NCALD: variants seen among roughly 807,000 people sequenced by gnomAD.
The protein encoded by NCALD is neurocalcin-delta.
NCALD carries 10 observed loss-of-function variants against 18.6 expected under a neutral mutation model. The ratio of observed to expected loss-of-function variants is 0.54; its 90% CI spans 0.33 to 0.91. The LOEUF (loss-of-function observed/expected upper bound fraction) is 0.91. Ranked by LOEUF, NCALD falls within the 40% of genes least tolerant of loss-of-function variation. The pLI, the probability that NCALD is intolerant of heterozygous loss-of-function variation, is 0.03. For missense variants in NCALD, 184 were observed against 247.6 expected (o/e 0.74, Z 1.72); for synonymous variants, 88 against 87.4 (o/e 1.01, Z -0.04).
chr8:101,896,468 G>C (rs1304854572), intron 3 of NCALD, among the ~76,000 whole-genome samples: 2 of 151,958 alleles, frequency 1.3e-5, no homozygotes, highest in East Asian at 3.9e-4. Context: ...AGGACTTCAT[G>C]TCTAAAACAC....
chr8:101,988,096 G>A lies in NCALD; in HGVS notation c.-157+32141C>T, dbSNP rs147181093. The stretch of plus-strand genomic sequence containing the variant: ...CGGGAATCCGGGAGGCGGAGCTTGC[G>A]GTGAGCCGAGATCGCGCCACTGCGG... On this transcript the variant is annotated intron_variant, in intron 2 of 6. Transcript: ENST00000311028. Among the ~76,000 whole-genome samples the A allele has an allele frequency of 9.2e-3, 1,391 of 150,466 alleles. 15 individuals are homozygous for A. The highest frequency in any genetic ancestry group is 0.03 in the African/African-American group (1,241 of 40,864).
intron 2 of NCALD, among the ~76,000 whole-genome samples, chr8:101,708,833 G>C (rs935495114): frequency 6.6e-6 from 1 of 152,176 alleles, no homozygotes; most frequent in Non-Finnish European, 1.5e-5. Flanking sequence ...AGCAGAATCA[G>C]TGACACCGCT....
chr8:101,766,243 A>C (rs1208100606), intron 1 of NCALD, among the ~76,000 whole-genome samples: 1 of 152,220 alleles, frequency 6.6e-6, no homozygotes, highest in African/African-American at 2.4e-5. Context: ...GGAGAAAAAG[A>C]AGCAGTAAAT....
intron 1 of NCALD, among the ~76,000 whole-genome samples, chr8:101,784,141 A>AG (rs1812125373): frequency 6.6e-6 from 1 of 152,084 alleles, no homozygotes; most frequent in Non-Finnish European, 1.5e-5. Flanking sequence ...TGGCATCAGG[A>AG]GGGGGAAGGA....
chr8:101,885,949 A>G (rs1816660280), intron 4 of NCALD, among the ~76,000 whole-genome samples: 1 of 152,350 alleles, frequency 6.6e-6, no homozygotes, highest in Non-Finnish European at 1.5e-5. Flanking sequence ...ATCCATAAAT[A>G]GTTCAACCAA....
At chr8:101,879,123 T>C (rs767848844) in intron 4 of NCALD, among the ~76,000 whole-genome samples, 1 of 152,230 alleles carries the variant, frequency 6.6e-6, no homozygotes, top group Non-Finnish European at 1.5e-5. Context: ...TAGAATGGTT[T>C]GGAGACTGCC....
At chr8:101,866,808 C>T (rs1477917921) in intron 4 of NCALD, among the ~76,000 whole-genome samples, 2 of 152,154 alleles carry the variant, frequency 1.3e-5, no homozygotes, top group African/African-American at 2.4e-5. Flanking sequence ...TAACTGGTGT[C>T]GCTAGTTCTG....
At chr8:101,750,231 C>CGA (rs1563729536) in intron 1 of NCALD, 1 of 147,986 alleles carries the variant, frequency 6.8e-6, no homozygotes, top group Non-Finnish European at 1.5e-5. Flanking sequence ...GTCCCCCCCC[C>CGA]ATGACACGTA....
chr8:101,813,443 G>T lies in NCALD; in HGVS notation c.-20+73698C>A, dbSNP rs148309700. On this transcript the variant is annotated intron_variant, in intron 4 of 6. Transcript: ENST00000311028. ...AGCTTAGGGAGGGTTTTGTAAGCCA[G>T]TGTATCAAGGAGGTAACTGAGTTAC... is the stretch of plus-strand genomic sequence containing the variant. Among the ~76,000 whole-genome samples the T allele has an allele frequency of 1.8e-4, 28 of 152,254 alleles. No homozygotes were observed. The East Asian group carries it at 5.2e-3, about 28-fold the overall frequency.
chr8:101,719,384 A>G lies in NCALD; in HGVS notation c.246T>C (p.Phe82=), dbSNP rs747724043. ...FDANGDGTID[F]REFIIALSVT... is the part of the protein sequence containing the mutation. Reference sequence around the variant, plus strand: ...CACTCAAGGCGATGATGAATTCTCTAAAGTCTATTGTCCCATCTCCATTTG... The same window carrying G: ...CACTCAAGGCGATGATGAATTCTCTGAAGTCTATTGTCCCATCTCCATTTG... Residue 82 remains phenylalanine (F), a synonymous_variant, in exon 2 of 4, where the codon TTT becomes TTC. Coordinates refer to ENST00000220931, the MANE Select transcript of NCALD (RefSeq NM_032041.3). 6 of 1,614,214 alleles carry G rather than the reference A, an allele frequency of 3.7e-6. No homozygotes were observed. The highest frequency in any genetic ancestry group is 2.7e-5 in the African/African-American group (2 of 75,050).
chr8:101,817,381 T>C (rs958611588), intron 4 of NCALD, among the ~76,000 whole-genome samples: 1 of 152,212 alleles, frequency 6.6e-6, no homozygotes, highest in African/African-American at 2.4e-5. Flanking sequence ...GAGTTTGTTC[T>C]TTCCGGATTG....
rs191293947 is a variant in NCALD at position 101,753,956 on chromosome 8, T to A, written c.-19-34308A>T. On this transcript the variant is annotated intron_variant, in intron 1 of 3. Coordinates refer to ENST00000220931, the MANE Select transcript of NCALD (RefSeq NM_032041.3). ...TATCTCTTATTTACAGTTGACAGCA[T>A]CCTAATAAATAGGAAAAGAGAAGGA... Among the ~76,000 whole-genome samples the A allele has an allele frequency of 2.0e-5, 3 of 152,312 alleles. No individual in the cohort carries two copies. In the East Asian group the frequency reaches 5.8e-4, roughly 29 times the overall value.
Position 101,949,886 on chromosome 8 carries a change from C to T in NCALD, c.-156-34028G>A, listed in dbSNP as rs540598975. On this transcript the variant is annotated intron_variant, in intron 2 of 6. Transcript: ENST00000311028. ...TGAGTCAGAAAGGGTTATTCTGCAG[C>T]TGACATTGTGTTCCAACAATCATCC... 1.2e-4 allele frequency among the ~76,000 whole-genome samples: 18 copies of T among 152,318 alleles called. 1 individual carries two copies. In the South Asian group the frequency reaches 2.7e-3, roughly 23 times the overall value.
At chr8:101,822,679 A>G (rs1586579538) in intron 4 of NCALD, among the ~76,000 whole-genome samples, 1 of 152,196 alleles carries the variant, frequency 6.6e-6, no homozygotes, top group East Asian at 1.9e-4. Context: ...GCAGCCTTGA[A>G]CAGCTGTGAG....
chr8:101,712,610 A>AAAAAAG (rs1815859342), intron 2 of NCALD, among the ~76,000 whole-genome samples: 3 of 144,866 alleles, frequency 2.1e-5, no homozygotes, highest in Non-Finnish European at 4.6e-5. Context: ...AAAAAAAAAA[A>AAAAAAG]ATAGCAGAGG....
At chr8:102,010,192 C>T (rs1421957960) in intron 2 of NCALD, among the ~76,000 whole-genome samples, 2 of 152,262 alleles carry the variant, frequency 1.3e-5, no homozygotes, top group Non-Finnish European at 2.9e-5. Flanking sequence ...TCCCTCCAAC[C>T]CTTGCCTCTT....
chr8:101,807,510 G>T (rs951900305), intron 4 of NCALD, among the ~76,000 whole-genome samples: 1 of 152,088 alleles, frequency 6.6e-6, no homozygotes, highest in African/African-American at 2.4e-5. Context: ...TAAATCATTT[G>T]CCCAGGATCA....
intron 1 of NCALD, chr8:101,745,960 T>C (rs1418744967): frequency 6.6e-6 from 1 of 152,198 alleles, no homozygotes; most frequent in African/African-American, 2.4e-5. Flanking sequence ...CTTCGATCAT[T>C]ACGCACCACC....
chr8:101,869,527 T>G (rs1815917254), intron 4 of NCALD, among the ~76,000 whole-genome samples: 1 of 152,188 alleles, frequency 6.6e-6, no homozygotes, highest in Non-Finnish European at 1.5e-5. Flanking sequence ...ACTATATTTG[T>G]GGTTAATTTG....
Sources: gnomAD v4.1 joint callset for allele counts (sites outside exome capture counted in the v4.1 genomes callset) on GRCh38, gnomAD v4.1.1 for gene constraint, MANE v1.5 for transcripts, NCBI Gene and HGNC (gene_info 2026-07-23, HGNC 2026-07-21) for gene names.